ACAD9: variants seen among roughly 807,000 people sequenced by gnomAD.
The protein encoded by ACAD9 is complex I assembly factor ACAD9, mitochondrial.
Under a neutral mutation model 70.2 loss-of-function variants are expected in ACAD9, and 53 were observed. The observed-to-expected ratio is 0.75, with a 90% CI of 0.61 to 0.95. ACAD9 has a LOEUF of 0.95. Among genes scored for constraint, ACAD9 ranks in the 40% least tolerant of loss-of-function variants. The pLI, the probability that ACAD9 is intolerant of heterozygous loss-of-function variation, is 0.00. For missense variants in ACAD9, 777 were observed against 802.8 expected (o/e 0.97, Z 0.39); for synonymous variants, 313 against 312.1 (o/e 1.00, Z -0.03).
intron 4 of ACAD9, among the ~76,000 whole-genome samples, chr3:128,895,940 C>G (rs757531089): frequency 6.6e-6 from 1 of 152,212 alleles, no homozygotes; most frequent in African/African-American, 2.4e-5. Flanking sequence ...CACATTCATG[C>G]AGATGTTTAG....
intron 2 of ACAD9, among the ~76,000 whole-genome samples, chr3:128,887,984 C>T (rs1935302851): frequency 6.6e-6 from 1 of 152,178 alleles, no homozygotes; most frequent in South Asian, 2.1e-4. Context: ...CCACAACTGG[C>T]CTCTATGAAA....
rs756364652 is a variant in ACAD9, at chr3:128,893,657, G to GT, written c.346+2dup. 3.1e-6 allele frequency: 5 copies of GT among 1,613,104 alleles called. No individual in the cohort carries two copies. In the South Asian group the frequency reaches 5.5e-5, roughly 18 times the overall value. On this transcript the variant is annotated splice_donor_variant, in intron 3 of 17. Coordinates refer to ENST00000308982, the MANE Select transcript of ACAD9 (RefSeq NM_014049.5). LOFTEE classifies it high-confidence loss of function. ...GGGCTGCAAGTCCCAGAAGAATATG[G>GT]TAAGTCAAGCAAACAAGCACCCAGC...
intron 2 of ACAD9, among the ~76,000 whole-genome samples, chr3:128,891,007 A>C (rs1343728482): frequency 2.6e-5 from 4 of 151,854 alleles, no homozygotes; most frequent in Non-Finnish European, 5.9e-5. Context: ...ATGCCCGGCT[A>C]ATTTTTATAT....
Position 128,910,121 on chromosome 3 carries a change from G to T in ACAD9, c.1664G>T (p.Arg555Leu), listed in dbSNP as rs200134546. 5 of 1,614,010 alleles carry T rather than the reference G, an allele frequency of 3.1e-6. No individual in the cohort carries two copies. The highest frequency in any genetic ancestry group is 3.4e-6 in the Non-Finnish European group (4 of 1,180,032). Residue 555 changes from arginine to leucine, a missense_variant, in exon 16 of 18, where the codon CGC becomes CTC. Physicochemically the swap from Arg to Leu is moderately radical, Grantham distance 102 (BLOSUM62 -2). Transcript: ENST00000308982. ...AVLSRASRSI[R>L]IGLRNHDHEV... is the part of the protein sequence containing the mutation. Reference sequence around the variant, plus strand: ...CTGTCGCGGGCCAGCCGCTCCATCCGCATTGGGCTCCGCAACCACGACCAC... The same window carrying T: ...CTGTCGCGGGCCAGCCGCTCCATCCTCATTGGGCTCCGCAACCACGACCAC...
At chr3:128,881,920 G>T (rs866752376) in intron 1 of ACAD9, among the ~76,000 whole-genome samples, 78 of 152,294 alleles carry the variant, frequency 5.1e-4, no homozygotes, top group African/African-American at 1.7e-3. Flanking sequence ...GCCATCTGCT[G>T]GGTGACCTTA....
intron 1 of ACAD9, among the ~76,000 whole-genome samples, chr3:128,881,398 C>A (rs1935089122): frequency 1.3e-5 from 2 of 152,248 alleles, no homozygotes; most frequent in African/African-American, 4.8e-5. Flanking sequence ...ATGAGAAGTT[C>A]ACAGGCACAG....
At chr3:128,908,630 C>T in intron 13 of ACAD9, 1 of 538,356 alleles carries the variant, frequency 1.9e-6, no homozygotes, top group Non-Finnish European at 3.4e-6. Context: ...TTCTTCCCCT[C>T]ATGCTCCCCT....
intron 2 of ACAD9, among the ~76,000 whole-genome samples, chr3:128,890,785 T>C (rs976032228): frequency 1.3e-5 from 2 of 152,204 alleles, no homozygotes; most frequent in African/African-American, 2.4e-5. Flanking sequence ...ATTTTACAAT[T>C]TTCAATGTCT....
intron 1 of ACAD9, among the ~76,000 whole-genome samples, chr3:128,881,980 C>T (rs923042470): frequency 4.6e-5 from 7 of 152,174 alleles, no homozygotes; most frequent in Admixed American, 3.3e-4. Context: ...CCTCAAGTTT[C>T]TTTCTTCAGT....
At chr3:128,886,068 AT>A in intron 2 of ACAD9, among the ~76,000 whole-genome samples, 1 of 151,334 alleles carries the variant, frequency 6.6e-6, no homozygotes, top group Non-Finnish European at 1.5e-5. Flanking sequence ...TAATAAATCC[AT>A]TACATGTTAA....
intron 1 of ACAD9, among the ~76,000 whole-genome samples, chr3:128,883,682 C>G (rs1476219416): frequency 6.6e-6 from 1 of 151,756 alleles, no homozygotes; most frequent in Non-Finnish European, 1.5e-5. Flanking sequence ...TTCTATACCA[C>G]CTTCAGGGTG....
At chr3:128,910,883 C>A (rs904198884) in intron 17 of ACAD9, 70 bp downstream of exon 17, 66 of 1,559,292 alleles carry the variant, frequency 4.2e-5, no homozygotes, top group Non-Finnish European at 8.8e-6. Context: ...TGAGCTGTTT[C>A]TGGACCCTGT....
intron 2 of ACAD9, among the ~76,000 whole-genome samples, chr3:128,886,736 TAAA>T (rs200871357): frequency 2.9e-5 from 4 of 137,664 alleles, no homozygotes; most frequent in African/African-American, 1.1e-4. Context: ...AAAAGTAAGT[TAAA>T]AAAAAAAAAA....
chr3:128,906,275 C>A (rs1405872669), intron 12 of ACAD9, 26 bp downstream of exon 12: 2 of 1,612,118 alleles, frequency 1.2e-6, no homozygotes, highest in Admixed American at 3.3e-5. Flanking sequence ...ACCAGCTAAG[C>A]TGTGCTCCAC....
intron 1 of ACAD9, among the ~76,000 whole-genome samples, chr3:128,883,249 C>G (rs1017429089): frequency 6.6e-6 from 1 of 152,096 alleles, no homozygotes; most frequent in Admixed American, 6.5e-5. Flanking sequence ...GCAACCACGC[C>G]CAGGCTGGTT....
At chr3:128,881,119 A>C (rs1935079789) in intron 1 of ACAD9, among the ~76,000 whole-genome samples, 1 of 152,202 alleles carries the variant, frequency 6.6e-6, no homozygotes, top group Admixed American at 6.5e-5. Flanking sequence ...ACAGATGAAG[A>C]AGCTAAGACT....
Position 128,895,300 on chromosome 3 carries a change from T to C in ACAD9, c.347-10T>C. 6.2e-7 allele frequency: 1 copy of C among 1,604,900 alleles called. No homozygotes were observed. Among genetic ancestry groups the C allele is most frequent in the Non-Finnish European group, 8.5e-7 (1 of 1,174,476 alleles). On this transcript the variant is annotated splice_polypyrimidine_tract_variant and intron_variant, in intron 3 of 17. Coordinates refer to ENST00000308982, the MANE Select transcript of ACAD9 (RefSeq NM_014049.5). ...CTGGGCTGTGATTGACGCTGGTCCA[T>C]CTCTCCTAGGTGGCCTGGGCTTCTC...
At chr3:128,888,280 CATCTT>C (rs1184280911) in intron 2 of ACAD9, among the ~76,000 whole-genome samples, 5 of 152,270 alleles carry the variant, frequency 3.3e-5, no homozygotes, top group Admixed American at 2.6e-4. Flanking sequence ...AAGCAAGTAA[CATCTT>C]AAGTAGTTTT....
intron 2 of ACAD9, among the ~76,000 whole-genome samples, chr3:128,889,664 G>T (rs1407922687): frequency 6.6e-6 from 1 of 152,042 alleles, no homozygotes; most frequent in Non-Finnish European, 1.5e-5. Context: ...TTCATCCATG[G>T]TGCATGTATT....
Sources: gnomAD v4.1 joint callset for allele counts (sites outside exome capture counted in the v4.1 genomes callset) on GRCh38, gnomAD v4.1.1 for gene constraint, MANE v1.5 for transcripts, NCBI Gene and HGNC (gene_info 2026-07-23, HGNC 2026-07-21) for gene names.